Variants in WRAP53 observed in about 807,000 individuals in gnomAD.
The protein encoded by WRAP53 is WD repeat containing antisense to TP53, also known as telomerase Cajal body protein 1.
WRAP53 carries 28 observed loss-of-function variants against 56.6 expected under a neutral mutation model. The ratio of observed to expected loss-of-function variants is 0.50; its 90% CI spans 0.37 to 0.68. The LOEUF (loss-of-function observed/expected upper bound fraction) is 0.68. Ranked by LOEUF, WRAP53 falls within the 30% of genes least tolerant of loss-of-function variation. The pLI is 0.00. For synonymous variants in WRAP53, 283 were observed against 283.4 expected, an observed-to-expected ratio of 1.00 and a Z score of 0.01; for missense variants, 671 against 715.5, an observed-to-expected ratio of 0.94 and a Z score of 0.71.
intron 3 of WRAP53, 37 bp from the exon 4 acceptor site, chr17:7,689,553 A>G: frequency 6.3e-7 from 1 of 1,588,148 alleles, no homozygotes; most frequent in Non-Finnish European, 8.6e-7. Flanking sequence ...TGAAAAGCAT[A>G]GGTCTGGCCA....
intron 4 of WRAP53, among the ~76,000 whole-genome samples, chr17:7,691,636 G>A (rs1015006143): frequency 1.3e-5 from 2 of 151,810 alleles, no homozygotes; most frequent in African/African-American, 4.8e-5. Flanking sequence ...TTGATCCGCC[G>A]GTCTCGGCCT....
chr17:7,696,606 G>A (rs1244248723), intron 4 of WRAP53, among the ~76,000 whole-genome samples: 1 of 152,118 alleles, frequency 6.6e-6, no homozygotes, highest in Non-Finnish European at 1.5e-5. Flanking sequence ...TCAGGACTCA[G>A]AGATTTTTAT....
chr17:7,700,589 A>G, intron 4 of WRAP53, 152 bp from the exon 5 acceptor site: 2 of 713,714 alleles, frequency 2.8e-6, no homozygotes, highest in South Asian at 2.9e-5. Flanking sequence ...TTGGTGGCTA[A>G]ATTTGACATT....
At chr17:7,694,120 T>C (rs1259884133) in intron 4 of WRAP53, among the ~76,000 whole-genome samples, 1 of 152,062 alleles carries the variant, frequency 6.6e-6, no homozygotes, top group Non-Finnish European at 1.5e-5. Flanking sequence ...CCGTCTCTAC[T>C]AAAAAAGATA....
chr17:7,687,654 G>C (rs1380873245), upstream of WRAP53: 2 of 398,588 alleles, frequency 5.0e-6, no homozygotes, highest in African/African-American at 4.1e-5. Flanking sequence ...TTGGGGAGGA[G>C]GGTGCAGAGT....
Position 7,703,496 on chromosome 17 carries a change from TATG to T in WRAP53, c.*13_*15del. 6.5e-7 allele frequency: 1 copy of T among 1,548,030 alleles called. No homozygotes were observed. Among genetic ancestry groups the T allele is most frequent in the Non-Finnish European group, 8.7e-7 (1 of 1,143,368 alleles). ...GGGTGAGCTGATATAAAAAGGTTTTTATGATACTAGAGTCTTCGTGTCTGTTTT... is the reference window on the plus strand; with the variant it reads ...GGGTGAGCTGATATAAAAAGGTTTTTATACTAGAGTCTTCGTGTCTGTTTT... On this transcript the variant is annotated 3_prime_UTR_variant, in exon 11 of 11. Transcript: ENST00000396463.
chr17:7,692,620 C>CAAAAAAA (rs1178226250), intron 4 of WRAP53, among the ~76,000 whole-genome samples: 1 of 59,038 alleles, frequency 1.7e-5, no homozygotes, highest in Admixed American at 2.1e-4. Context: ...GACTCCGTCT[C>CAAAAAAA]AAAAAAAAAA....
rs200459239 is a variant in WRAP53 at position 7,691,391 on chromosome 17, TG to T, written c.642+1691del. Among the ~76,000 whole-genome samples, 38 of 117,298 alleles carry T rather than the reference TG, an allele frequency of 3.2e-4. 3 individuals carry two copies. The highest frequency in any genetic ancestry group is 1.0e-3 in the African/African-American group (17 of 16,910). 77.0% of individuals were successfully genotyped at this position (117,298 alleles called of 152,430 possible). ...TTTATTTGGGAAGTCATGAGAGAGG[TG>T]TTTTTTTTTTTTTTTTGAGACGAGT... On this transcript the variant is annotated intron_variant, in intron 4 of 10. Coordinates refer to ENST00000396463, the MANE Select transcript of WRAP53 (RefSeq NM_001143992.2).
chr17:7,699,458 T>TTA lies in WRAP53; in HGVS notation c.643-1267_643-1266dup, dbSNP rs1165734343. On this transcript the variant is annotated intron_variant, in intron 4 of 10. Coordinates refer to ENST00000396463, the MANE Select transcript of WRAP53 (RefSeq NM_001143992.2). ...AAAAAATTTATATATATATATATAT[T>TTA]TATATATATATATATATTTATATAT... Among the ~76,000 whole-genome samples the TTA allele has an allele frequency of 1.2e-3, 49 of 39,870 alleles. 2 individuals are homozygous for TTA. Among genetic ancestry groups the TTA allele is most frequent in the South Asian group, 1.5e-3 (2 of 1,328 alleles). The allele number at this position is 39,870 out of a possible 152,430, so 26.2% of individuals were successfully genotyped here.
At chr17:7,687,773 T>C (rs1597401306), upstream of WRAP53, 1 of 397,000 alleles carries the variant, frequency 2.5e-6, no homozygotes. Flanking sequence ...GGAGGAATCC[T>C]GCATTGTGTC....
In WRAP53 at chr17:7,689,125, G is replaced by A. The variant is rs1597404192; in HGVS notation, c.431+46G>A. 3.7e-6 allele frequency: 6 copies of A among 1,614,068 alleles called. No homozygotes were observed. In the Middle Eastern group the frequency reaches 6.6e-4, roughly 178 times the overall value. On this transcript the variant is annotated intron_variant, in intron 2 of 10. Coordinates refer to ENST00000396463, the MANE Select transcript of WRAP53 (RefSeq NM_001143992.2). ...AGTGTGGAGTCTGGGGAGATGAAGT[G>A]TGAGGTCGATCTGTCCTCTGGTCCT... is the stretch of plus-strand genomic sequence containing the variant.
rs1192928863 is a variant in WRAP53, at chr17:7,689,594, C to G, written c.535C>G (p.Pro179Ala). ...CTAACTCTCCCCTGTTTCTAGGGCT[C>G]CTGACGGTTCCTGCATCTTGACCAA... Reference protein sequence around the residue: ...ENFLKGCKWAPDGSCILTNSA... With the variant: ...ENFLKGCKWAADGSCILTNSA... Residue 179 changes from proline to alanine, a missense_variant, in exon 4 of 11, where the codon CCT (proline) becomes GCT (alanine). By Grantham distance (27) the Pro-to-Ala change is conservative. Transcript: ENST00000396463. The G allele has an allele frequency of 1.2e-6, 2 of 1,613,942 alleles. No homozygotes were observed. The highest frequency in any genetic ancestry group is 1.7e-6 in the Non-Finnish European group (2 of 1,179,956).
chr17:7,688,595 GA>G, intron 1 of WRAP53, 34 bp downstream of exon 1: 1 of 1,602,052 alleles, frequency 6.2e-7, no homozygotes, highest in East Asian at 2.2e-5. Context: ...GGATCCCTGA[GA>G]ACTTCGAAGC....
chr17:7,694,413 T>G (rs1418710110), intron 4 of WRAP53, among the ~76,000 whole-genome samples: 1 of 151,992 alleles, frequency 6.6e-6, no homozygotes. Flanking sequence ...CGGCTAATTT[T>G]TGTATTTTTA....
chr17:7,689,357 C>G, intron 3 of WRAP53, 35 bp downstream of exon 3: 1 of 1,601,460 alleles, frequency 6.2e-7, no homozygotes, highest in Non-Finnish European at 8.5e-7. Context: ...GCTGACCACC[C>G]CCGAGATTTT....
Position 7,702,893 on chromosome 17 carries a change from G to A in WRAP53, c.1268+47G>A, listed in dbSNP as rs118081933. The A allele has an allele frequency of 0.02, 31,588 of 1,613,014 alleles. 357 individuals are homozygous for A. The highest frequency in any genetic ancestry group is 0.024 in the Non-Finnish European group (28,861 of 1,179,814). ...CTACACAGGGCCCTGATAAGCCTAG[G>A]AATGCCAGAGCCCAGCTGTAGGGTC... On this transcript the variant is annotated intron_variant, in intron 9 of 10. Coordinates refer to ENST00000396463, the MANE Select transcript of WRAP53 (RefSeq NM_001143992.2). This position sits in a 1 kb window ranked among gnomAD's most constrained non-coding sequence, Gnocchi z 5.0.
rs1254646287 is a variant in WRAP53, at chr17:7,702,836, G to A, written c.1258G>A (p.Asp420Asn). 6.2e-7 allele frequency: 1 copy of A among 1,613,894 alleles called. No individual in the cohort carries two copies. The highest frequency in any genetic ancestry group is 8.5e-7 in the Non-Finnish European group (1 of 1,179,978). ...GACCACCAATCAGCGCATCTACTTC[G>A]ATCTGGACCCGTGAGTGGCTGTGAC... Reference protein sequence around the residue: ...EVTTNQRIYFDLDPTGQFLVS... With the variant: ...EVTTNQRIYFNLDPTGQFLVS... Residue 420 changes from aspartate (D) to asparagine (N), a missense_variant, in exon 9 of 11, where the codon GAT becomes AAT. Around this residue, in one of 3 missense-constraint regions of WRAP53, gnomAD observed 158 missense variants for 215.7 expected, o/e 0.73. Transcript: ENST00000396463. This position sits in a 1 kb window ranked among gnomAD's most constrained non-coding sequence, Gnocchi z 5.0.
In WRAP53 at chr17:7,702,285, A is replaced by G; in HGVS notation, c.956-59A>G. On this transcript the variant is annotated intron_variant, in intron 7 of 10. Coordinates refer to ENST00000396463, the MANE Select transcript of WRAP53 (RefSeq NM_001143992.2). This position sits in a 1 kb window ranked among gnomAD's most constrained non-coding sequence, Gnocchi z 5.0. ...TGGGACGGGAGACAGACCTCTGCTTAGCCTGGTTAGTGCCAGGAGCCATTG... is the reference window on the plus strand; with the variant it reads ...TGGGACGGGAGACAGACCTCTGCTTGGCCTGGTTAGTGCCAGGAGCCATTG... 1.3e-6 allele frequency: 2 copies of G among 1,576,042 alleles called. No homozygotes were observed. Among genetic ancestry groups the G allele is most frequent in the Non-Finnish European group, 1.7e-6 (2 of 1,145,486 alleles).
In WRAP53 at chr17:7,701,417, C is replaced by G; in HGVS notation, c.732-42C>G. 1 of 1,609,252 alleles carries G rather than the reference C, an allele frequency of 6.2e-7. No homozygotes were observed. The highest frequency in any genetic ancestry group is 8.5e-7 in the Non-Finnish European group (1 of 1,175,554). ...ACTGTGCCCGGCCATTCCTCCCCTT[C>G]CTTTGACAGCACCGGGGTTTCAGTG... On this transcript the variant is annotated intron_variant, in intron 5 of 10. Coordinates refer to ENST00000396463, the MANE Select transcript of WRAP53 (RefSeq NM_001143992.2). This position sits in a 1 kb window ranked among gnomAD's most constrained non-coding sequence, Gnocchi z 4.2.
Sources: gnomAD v4.1 joint callset for allele counts (sites outside exome capture counted in the v4.1 genomes callset) on GRCh38, gnomAD v4.1.1 for gene constraint, gnomAD v4.1.1 regional missense constraint, Gnocchi (gnomAD v3.1) non-coding constraint, MANE v1.5 for transcripts, NCBI Gene and HGNC (gene_info 2026-07-23, HGNC 2026-07-21) for gene names.